NRG1: variants seen among roughly 807,000 people sequenced by gnomAD.
The protein encoded by NRG1 is neuregulin 1.
In NRG1, 18 loss-of-function variants were observed where a neutral mutation model predicts 63.8. The observed-to-expected ratio is 0.28, with a 90% CI of 0.19 to 0.42. NRG1 has a LOEUF of 0.42. NRG1 is among the 10% of genes least tolerant of loss of function. NRG1 has a pLI of 1.00. For synonymous variants in NRG1, 302 were observed against 301.3 expected, an observed-to-expected ratio of 1.00 and a Z score of -0.02; for missense variants, 762 against 814.7, an observed-to-expected ratio of 0.94 and a Z score of 0.79.
intron 1 of NRG1, among the ~76,000 whole-genome samples, chr8:31,939,870 A>C (rs964068419): frequency 6.6e-6 from 1 of 152,172 alleles, no homozygotes; most frequent in Non-Finnish European, 1.5e-5. Flanking sequence ...AAAATACCGC[A>C]ATTCTAAATA....
intron 1 of NRG1, among the ~76,000 whole-genome samples, chr8:32,280,680 G>GTTTTTTTTTTTTTTT (rs1235833561): frequency 1.9e-5 from 1 of 53,722 alleles, no homozygotes; most frequent in African/African-American, 7.0e-5. Flanking sequence ...ACTGAATTAG[G>GTTTTTTTTTTTTTTT]TTTTTTTTTT....
chr8:32,343,521 A>G (rs1804345181), intron 1 of NRG1, among the ~76,000 whole-genome samples: 2 of 152,198 alleles, frequency 1.3e-5, no homozygotes, highest in Admixed American at 6.6e-5. Flanking sequence ...TAGAAACTTT[A>G]AATGTCCATT....
intron 1 of NRG1, among the ~76,000 whole-genome samples, chr8:32,163,941 C>A (rs1466741094): frequency 1.3e-5 from 2 of 152,182 alleles, no homozygotes; most frequent in Admixed American, 6.5e-5. Flanking sequence ...TTATGAACCA[C>A]TGGCTCCTCT....
At chr8:31,758,958 G>A (rs1407237550) in intron 1 of NRG1, among the ~76,000 whole-genome samples, 1 of 152,164 alleles carries the variant, frequency 6.6e-6, no homozygotes. Context: ...TAAAGGGTGT[G>A]TAGTAGTAAC....
At chr8:32,310,564 G>T (rs1049007557) in intron 1 of NRG1, among the ~76,000 whole-genome samples, 4 of 152,180 alleles carry the variant, frequency 2.6e-5, no homozygotes, top group Admixed American at 6.5e-5. Flanking sequence ...TTACCATACA[G>T]CATGCTGAAT....
chr8:32,671,070 C>G lies in NRG1; in HGVS notation c.502+54185C>G, dbSNP rs549702463. 1.2e-3 allele frequency among the ~76,000 whole-genome samples: 175 copies of G among 151,654 alleles called. 1 individual carries two copies. The highest frequency in any genetic ancestry group is 3.7e-3 in the African/African-American group (154 of 41,362). ...GACAACACACATAGGAAACTTTTGC[C>G]ACTTAATTATTATTCTTTTTCTCAA... On this transcript the variant is annotated intron_variant, in intron 5 of 11. Coordinates refer to ENST00000356819, the Ensembl canonical transcript of NRG1.
chr8:31,680,694 T>C (rs1808245864), intron 1 of NRG1, among the ~76,000 whole-genome samples: 1 of 151,938 alleles, frequency 6.6e-6, no homozygotes, highest in South Asian at 2.1e-4. Context: ...TTTCTAGTTC[T>C]AGATCCCTGA....
intron 1 of NRG1, among the ~76,000 whole-genome samples, chr8:32,500,855 T>G (rs950587632): frequency 6.6e-6 from 1 of 152,228 alleles, no homozygotes; most frequent in Admixed American, 6.5e-5. Flanking sequence ...AATTGTTTTT[T>G]ATCAGTTCAT....
chr8:32,296,055 A>G (rs1854826941), intron 1 of NRG1, among the ~76,000 whole-genome samples: 1 of 152,030 alleles, frequency 6.6e-6, no homozygotes, highest in African/African-American at 2.4e-5. Context: ...GTGATACTGA[A>G]TTTATCATTG....
downstream of NRG1, among the ~76,000 whole-genome samples, chr8:32,772,914 CAA>C (rs1309422649): frequency 2.0e-5 from 3 of 152,166 alleles, no homozygotes; most frequent in Non-Finnish European, 4.4e-5. Context: ...TGCCCTCACT[CAA>C]GAGTCTCCCC....
At chr8:31,982,603 G>A (rs1313309336) in intron 1 of NRG1, among the ~76,000 whole-genome samples, 5 of 152,010 alleles carry the variant, frequency 3.3e-5, no homozygotes, top group African/African-American at 1.2e-4. Flanking sequence ...TGATGACTCG[G>A]GAGAGGCAGG....
chr8:32,016,026 G>A (rs998352753), intron 1 of NRG1, among the ~76,000 whole-genome samples: 1 of 152,184 alleles, frequency 6.6e-6, no homozygotes, highest in South Asian at 2.1e-4. Flanking sequence ...ATGTATTGAG[G>A]TCAGTCTGAA....
At chr8:31,728,235 G>A (rs1813650807) in intron 1 of NRG1, among the ~76,000 whole-genome samples, 1 of 152,064 alleles carries the variant, frequency 6.6e-6, no homozygotes, top group African/African-American at 2.4e-5. Flanking sequence ...AGGCTGAGGT[G>A]GGTGGATCAT....
intron 1 of NRG1, among the ~76,000 whole-genome samples, chr8:32,566,608 A>G (rs903080302): frequency 3.3e-5 from 5 of 152,118 alleles, no homozygotes; most frequent in African/African-American, 1.2e-4. Flanking sequence ...TTGCCTTAGA[A>G]TTTGTCCAAA....
At chr8:32,728,280 T>TC in intron 6 of NRG1, 1 of 985,022 alleles carries the variant, frequency 1.0e-6, no homozygotes, top group Non-Finnish European at 1.2e-6. Context: ...TTTGCTCTTT[T>TC]CAATGTGTGT....
At chr8:31,999,023 A>G (rs1489413706) in intron 1 of NRG1, among the ~76,000 whole-genome samples, 1 of 151,906 alleles carries the variant, frequency 6.6e-6, no homozygotes, top group Non-Finnish European at 1.5e-5. Flanking sequence ...ACTTCGTAAA[A>G]TCAGATACTT....
chr8:31,978,565 G>A (rs1238508010), intron 1 of NRG1, among the ~76,000 whole-genome samples: 1 of 152,072 alleles, frequency 6.6e-6, no homozygotes, highest in Non-Finnish European at 1.5e-5. Context: ...CATTTTGTGT[G>A]AGTTGGTACT....
intron 1 of NRG1, among the ~76,000 whole-genome samples, chr8:32,240,785 T>C (rs1211942619): frequency 1.3e-5 from 2 of 152,080 alleles, no homozygotes; most frequent in African/African-American, 4.8e-5. Context: ...TATTTCAAGA[T>C]AAAAAAAGTT....
intron 1 of NRG1, among the ~76,000 whole-genome samples, chr8:32,436,563 C>T (rs1204308057): frequency 6.6e-6 from 1 of 152,184 alleles, no homozygotes; most frequent in Admixed American, 6.6e-5. Flanking sequence ...CCTACTTCAT[C>T]TTCAATTGCT....
Sources: gnomAD v4.1 joint callset for allele counts (sites outside exome capture counted in the v4.1 genomes callset) on GRCh38, gnomAD v4.1.1 for gene constraint, MANE v1.5 for transcripts, NCBI Gene and HGNC (gene_info 2026-07-23, HGNC 2026-07-21) for gene names.